AK5: variants seen among roughly 807,000 people sequenced by gnomAD.
The protein encoded by AK5 is adenylate kinase 5.
Under a neutral mutation model 69.5 loss-of-function variants are expected in AK5, and 27 were observed. That is an observed-to-expected ratio of 0.39 (90% CI 0.29 to 0.54). AK5 has a LOEUF of 0.54. Among genes scored for constraint, AK5 ranks in the 20% least tolerant of loss-of-function variants. The pLI is 0.71. For missense variants in AK5, 531 were observed against 700.4 expected, an observed-to-expected ratio of 0.76 and a Z score of 2.73; for synonymous variants, 260 against 244.4, an observed-to-expected ratio of 1.06 and a Z score of -0.60.
At chr1:77,556,496 A>G (rs1660110186) in intron 13 of AK5, among the ~76,000 whole-genome samples, 1 of 152,206 alleles carries the variant, frequency 6.6e-6, no homozygotes, top group Admixed American at 6.5e-5. Context: ...TTACTATAGT[A>G]TTCCATTATA....
At chr1:77,428,000 C>T (rs1651328623) in intron 8 of AK5, among the ~76,000 whole-genome samples, 1 of 152,168 alleles carries the variant, frequency 6.6e-6, no homozygotes, top group East Asian at 1.9e-4. Context: ...AAGGATCTGC[C>T]TCCATGACCC....
At chr1:77,357,373 T>C (rs973067593) in intron 6 of AK5, among the ~76,000 whole-genome samples, 1 of 152,186 alleles carries the variant, frequency 6.6e-6, no homozygotes, top group Admixed American at 6.5e-5. Flanking sequence ...GCAAGATTAA[T>C]TAAGGATTAT....
chr1:77,500,549 C>T (rs1025528650), intron 10 of AK5, among the ~76,000 whole-genome samples: 2 of 152,102 alleles, frequency 1.3e-5, no homozygotes, highest in Non-Finnish European at 2.9e-5. Flanking sequence ...GAGGCCGAGG[C>T]AGGCAGATCA....
At chr1:77,450,524 C>T (rs1025082695) in intron 8 of AK5, among the ~76,000 whole-genome samples, 3 of 145,362 alleles carry the variant, frequency 2.1e-5, no homozygotes, top group African/African-American at 7.7e-5. Flanking sequence ...CAAGAGTTCT[C>T]ATGATCTGGT....
At chr1:77,550,461 C>A (rs1659768863) in intron 13 of AK5, among the ~76,000 whole-genome samples, 1 of 152,150 alleles carries the variant, frequency 6.6e-6, no homozygotes, top group African/African-American at 2.4e-5. Flanking sequence ...CCCTATATTG[C>A]AGGACGTATT....
chr1:77,540,332 G>A (rs1659199432), intron 13 of AK5, among the ~76,000 whole-genome samples: 1 of 152,210 alleles, frequency 6.6e-6, no homozygotes, highest in South Asian at 2.1e-4. Context: ...TAAAGCAGAG[G>A]TTTGCCCTGC....
intron 6 of AK5, among the ~76,000 whole-genome samples, chr1:77,389,697 C>T (rs1648284759): frequency 6.6e-6 from 1 of 152,204 alleles, no homozygotes; most frequent in Admixed American, 6.5e-5. Flanking sequence ...CACGATGGCT[C>T]ATGCCTGTAA....
At chr1:77,296,478 A>G (rs1290857389) in intron 3 of AK5, among the ~76,000 whole-genome samples, 3 of 151,852 alleles carry the variant, frequency 2.0e-5, no homozygotes, top group Admixed American at 6.6e-5. Flanking sequence ...GTTGTCTACT[A>G]TTGCCTCCAT....
At position 77,385,577 on chromosome 1, in the gene AK5, T is replaced by C. The variant is rs1647966724; in HGVS notation, c.892-25404T>C. Among the ~76,000 whole-genome samples, 5 of 152,348 alleles carry C rather than the reference T, an allele frequency of 3.3e-5. No individual in the cohort carries two copies. In the South Asian group the frequency reaches 6.2e-4, roughly 19 times the overall value. On this transcript the variant is annotated intron_variant, in intron 6 of 13. Coordinates refer to ENST00000354567, the MANE Select transcript of AK5 (RefSeq NM_174858.3). ...TTACTATTAGGCATCAAATTCCCACTGTTCATAAATATGTGTGGTCAACGA... is the reference window on the plus strand; with the variant it reads ...TTACTATTAGGCATCAAATTCCCACCGTTCATAAATATGTGTGGTCAACGA...
chr1:77,526,465 CTTTTTTTTTTTTTT>C (rs917395853), intron 12 of AK5, among the ~76,000 whole-genome samples: 51 of 84,658 alleles, frequency 6.0e-4, no homozygotes, highest in African/African-American at 2.2e-3. Context: ...GAATAAAAGT[CTTTTTTTTTTTTTT>C]TTTTTTTTTT....
chr1:77,496,084 C>T (rs137937070), intron 10 of AK5, among the ~76,000 whole-genome samples: 5 of 152,232 alleles, frequency 3.3e-5, no homozygotes, highest in African/African-American at 4.8e-5. Flanking sequence ...GCTTGGCACA[C>T]GCAATGGCAG....
chr1:77,434,586 A>G (rs575321540), intron 8 of AK5, among the ~76,000 whole-genome samples: 32 of 152,340 alleles, frequency 2.1e-4, no homozygotes, highest in African/African-American at 6.7e-4. Context: ...TTCCATGGAT[A>G]TAAAACAAAC....
At chr1:77,317,342 G>A (rs1443333817) in intron 5 of AK5, among the ~76,000 whole-genome samples, 1 of 152,168 alleles carries the variant, frequency 6.6e-6, no homozygotes, top group African/African-American at 2.4e-5. Context: ...GAGTCATACA[G>A]TGTCGCTTCT....
intron 6 of AK5, among the ~76,000 whole-genome samples, chr1:77,398,412 T>G (rs1648971921): frequency 6.6e-6 from 1 of 152,238 alleles, no homozygotes; most frequent in Non-Finnish European, 1.5e-5. Flanking sequence ...CTTCTGAGGC[T>G]TTAACGAATT....
chr1:77,313,926 C>T (rs1334234122), intron 5 of AK5: 3 of 510,074 alleles, frequency 5.9e-6, no homozygotes, highest in African/African-American at 5.8e-5. Context: ...GAAGTCTTTG[C>T]CTCTGCCTGC....
chr1:77,469,882 C>T (rs1300193417), intron 8 of AK5, among the ~76,000 whole-genome samples: 1 of 152,226 alleles, frequency 6.6e-6, no homozygotes, highest in Non-Finnish European at 1.5e-5. Context: ...GGAAAATAAT[C>T]ACCTCTGGAT....
intron 8 of AK5, among the ~76,000 whole-genome samples, chr1:77,427,346 G>A (rs973136830): frequency 1.3e-5 from 2 of 151,988 alleles, no homozygotes; most frequent in African/African-American, 4.8e-5. Flanking sequence ...ACATTAAAGG[G>A]ATAATAAAGA....
chr1:77,398,953 A>T (rs1649014987), intron 6 of AK5, among the ~76,000 whole-genome samples: 1 of 152,132 alleles, frequency 6.6e-6, no homozygotes, highest in Admixed American at 6.5e-5. Flanking sequence ...GAAATCTATT[A>T]ATCACCCTAT....
At chr1:77,499,884 T>C in intron 10 of AK5, among the ~76,000 whole-genome samples, 1 of 143,636 alleles carries the variant, frequency 7.0e-6, no homozygotes, top group African/African-American at 2.6e-5. Flanking sequence ...TTTTTTTTTT[T>C]TTTTTTTTTT....
Sources: gnomAD v4.1 joint callset for allele counts (sites outside exome capture counted in the v4.1 genomes callset) on GRCh38, gnomAD v4.1.1 for gene constraint, MANE v1.5 for transcripts, NCBI Gene and HGNC (gene_info 2026-07-23, HGNC 2026-07-21) for gene names.